Variants in CADM2 observed in about 807,000 individuals in gnomAD.
The protein encoded by CADM2 is cell adhesion molecule 2.
CADM2 carries 12 observed loss-of-function variants against 49.8 expected under a neutral mutation model. That is an observed-to-expected ratio of 0.24 (90% CI 0.15 to 0.39). The LOEUF (loss-of-function observed/expected upper bound fraction) is 0.39. CADM2 is among the 10% of genes least tolerant of loss of function. The pLI, the probability that CADM2 is intolerant of heterozygous loss-of-function variation, is 1.00. For synonymous variants in CADM2, 214 were observed against 175.4 expected, an observed-to-expected ratio of 1.22 and a Z score of -1.74; for missense variants, 378 against 492.3, an observed-to-expected ratio of 0.77 and a Z score of 2.20.
At chr3:85,551,092 TC>T (rs2061791231) in intron 1 of CADM2, among the ~76,000 whole-genome samples, 1 of 152,150 alleles carries the variant, frequency 6.6e-6, no homozygotes, top group East Asian at 1.9e-4. Context: ...CAAACAATCT[TC>T]CCACCTCAGA....
intron 3 of CADM2, among the ~76,000 whole-genome samples, chr3:85,882,807 T>A (rs1388885147): frequency 6.6e-6 from 1 of 152,202 alleles, no homozygotes; most frequent in Non-Finnish European, 1.5e-5. Context: ...TTCTGCTCAA[T>A]ATCAGCTCAA....
In CADM2 at chr3:85,020,496, C is replaced by T. The variant is rs561927489; in HGVS notation, c.61+60828C>T. 1.0e-3 allele frequency among the ~76,000 whole-genome samples: 158 copies of T among 152,034 alleles called. 1 individual carries two copies. Among genetic ancestry groups the T allele is most frequent in the African/African-American group, 3.5e-3 (147 of 41,494 alleles). On this transcript the variant is annotated intron_variant, in intron 1 of 9. Coordinates refer to ENST00000383699, the MANE Select transcript of CADM2 (RefSeq NM_001167675.2). ...TGAATAAATTCATAGCTATAATAAA[C>T]AATCTACTTTTATTCATAATTTATA...
At chr3:85,146,642 A>G (rs182497706) in intron 1 of CADM2, among the ~76,000 whole-genome samples, 1 of 152,328 alleles carries the variant, frequency 6.6e-6, no homozygotes, top group Admixed American at 6.5e-5. Context: ...CTTTCAAATA[A>G]ACTATATAAA....
At chr3:85,995,136 G>A (rs1181348138) in intron 8 of CADM2, among the ~76,000 whole-genome samples, 1 of 151,546 alleles carries the variant, frequency 6.6e-6, no homozygotes, top group African/African-American at 2.4e-5. Flanking sequence ...AGACATTTAT[G>A]AGAATAATGA....
chr3:85,564,357 A>G lies in CADM2; in HGVS notation c.62-162165A>G, dbSNP rs527309965. ...TTTATTGATAACTGCAGAGTCAGAT[A>G]TCTTAGCAATGAAATATGCCTCAAG... On this transcript the variant is annotated intron_variant, in intron 1 of 9. Transcript: ENST00000383699. 9.9e-5 allele frequency among the ~76,000 whole-genome samples: 15 copies of G among 152,246 alleles called. 1 individual carries two copies. The highest frequency in any genetic ancestry group is 2.1e-4 in the Non-Finnish European group (14 of 67,990).
intron 1 of CADM2, among the ~76,000 whole-genome samples, chr3:85,071,010 A>ATAAATAAT (rs1450576675): frequency 6.6e-6 from 1 of 150,746 alleles, no homozygotes; most frequent in Non-Finnish European, 1.5e-5. Flanking sequence ...AAATAAATAA[A>ATAAATAAT]TAAATAAATA....
chr3:85,169,132 CTGTTTTGTTT>C (rs758087632), intron 1 of CADM2, among the ~76,000 whole-genome samples: 11 of 151,642 alleles, frequency 7.3e-5, no homozygotes, highest in Non-Finnish European at 1.3e-4. Context: ...TTGTTTTGTT[CTGTTTTGTTT>C]TGTTTTGTTT....
In CADM2 at chr3:85,432,078, GA is replaced by G. The variant is rs199856176; in HGVS notation, c.62-294435del. On this transcript the variant is annotated intron_variant, in intron 1 of 9. Transcript: ENST00000383699. ...GAAATTGGGAGAACAGAAGACATTG[GA>G]AAAAAAAACAAAAGAGATTGAAAAA... is the stretch of plus-strand genomic sequence containing the variant. Among the ~76,000 whole-genome samples, 12 of 143,492 alleles carry G rather than the reference GA, an allele frequency of 8.4e-5. 1 individual carries two copies. The East Asian group carries it at 1.6e-3, about 20-fold the overall frequency. The allele number at this position is 143,492 out of a possible 152,430, so 94.1% of individuals were successfully genotyped here.
intron 1 of CADM2, among the ~76,000 whole-genome samples, chr3:85,443,292 C>T (rs2037294875): frequency 6.6e-6 from 1 of 152,106 alleles, no homozygotes; most frequent in South Asian, 2.1e-4. Context: ...GGAAAACATA[C>T]TTTGCTGAAT....
chr3:84,991,046 A>C (rs2032856783), intron 1 of CADM2, among the ~76,000 whole-genome samples: 1 of 152,108 alleles, frequency 6.6e-6, no homozygotes. Context: ...TTACTCATTG[A>C]ATGAGCCAAA....
intron 1 of CADM2, among the ~76,000 whole-genome samples, chr3:85,462,231 T>C (rs996047303): frequency 1.4e-4 from 22 of 152,156 alleles, no homozygotes; most frequent in African/African-American, 5.3e-4. Flanking sequence ...CCCCCCAATA[T>C]AATTTGAAAC....
chr3:85,780,210 C>A (rs573599758), intron 2 of CADM2, among the ~76,000 whole-genome samples: 1 of 151,924 alleles, frequency 6.6e-6, no homozygotes, highest in African/African-American at 2.4e-5. Context: ...ACTAGTAGGC[C>A]GACATGTACA....
chr3:85,486,191 A>G (rs1439047288), intron 1 of CADM2, among the ~76,000 whole-genome samples: 2 of 152,158 alleles, frequency 1.3e-5, no homozygotes, highest in East Asian at 3.9e-4. Context: ...TAATTTCTTG[A>G]GAACATTATT....
At chr3:85,952,738 C>T (rs1024248112) in intron 7 of CADM2, among the ~76,000 whole-genome samples, 5 of 150,814 alleles carry the variant, frequency 3.3e-5, no homozygotes, top group Non-Finnish European at 5.9e-5. Context: ...TTTACTTTTT[C>T]AGGGCTCTTT....
Position 85,551,762 on chromosome 3 carries a change from ACT to A in CADM2, c.62-174755_62-174754del, listed in dbSNP as rs1254308427. Among the ~76,000 whole-genome samples the A allele has an allele frequency of 2.0e-5, 3 of 152,076 alleles. 1 individual carries two copies. The highest frequency in any genetic ancestry group is 7.2e-5 in the African/African-American group (3 of 41,424). The stretch of plus-strand genomic sequence containing the variant: ...ATTGAAAATCTAATGTAAACTCTGT[ACT>A]CTCTTTTTCAAAAACATTTCCTACT... On this transcript the variant is annotated intron_variant, in intron 1 of 9. Coordinates refer to ENST00000383699, the MANE Select transcript of CADM2 (RefSeq NM_001167675.2).
At chr3:85,149,924 C>T (rs1314171123) in intron 1 of CADM2, among the ~76,000 whole-genome samples, 3 of 152,190 alleles carry the variant, frequency 2.0e-5, no homozygotes, top group Non-Finnish European at 4.4e-5. Context: ...GTATTTCCCT[C>T]TATTTTCACA....
chr3:85,819,962 T>A (rs960299239), intron 3 of CADM2, among the ~76,000 whole-genome samples: 3 of 152,196 alleles, frequency 2.0e-5, no homozygotes, highest in Non-Finnish European at 4.4e-5. Flanking sequence ...AGAAAAGCTA[T>A]TTTAAATAAA....
Position 85,212,062 on chromosome 3 carries a change from G to A in CADM2, c.61+252394G>A, listed in dbSNP as rs554929477. ...TTTGTCTCTTTTTATAATTTTTGTC[G>A]TGAAATCTATTTTGTCTGATACAAA... On this transcript the variant is annotated intron_variant, in intron 1 of 9. Transcript: ENST00000383699. 5.3e-5 allele frequency among the ~76,000 whole-genome samples: 8 copies of A among 151,790 alleles called. No individual in the cohort carries two copies. In the South Asian group the frequency reaches 1.0e-3, roughly 20 times the overall value.
At chr3:85,907,308 C>T (rs950114795) in intron 5 of CADM2, among the ~76,000 whole-genome samples, 2 of 152,126 alleles carry the variant, frequency 1.3e-5, no homozygotes, top group Non-Finnish European at 2.9e-5. Flanking sequence ...CAAACCTTAC[C>T]TCTGAAAATA....
Sources: gnomAD v4.1 joint callset for allele counts (sites outside exome capture counted in the v4.1 genomes callset) on GRCh38, gnomAD v4.1.1 for gene constraint, MANE v1.5 for transcripts, NCBI Gene and HGNC (gene_info 2026-07-23, HGNC 2026-07-21) for gene names.